Variants in SEMA3E observed in about 807,000 individuals in gnomAD.
SEMA3E encodes semaphorin-3E.
Under a neutral mutation model 93.6 loss-of-function variants are expected in SEMA3E, and 49 were observed. That is an observed-to-expected ratio of 0.52 (90% CI 0.42 to 0.66). The LOEUF (loss-of-function observed/expected upper bound fraction) is 0.66, where lower values mean the gene tolerates loss of function less well. SEMA3E is among the 30% of genes least tolerant of loss of function. The pLI is 0.00. For missense variants in SEMA3E, 906 were observed against 964.8 expected, an observed-to-expected ratio of 0.94 and a Z score of 0.81; for synonymous variants, 363 against 330.7, an observed-to-expected ratio of 1.10 and a Z score of -1.06.
intron 5 of SEMA3E, 90 bp from the exon 6 acceptor site, chr7:83,408,577 T>C: frequency 7.6e-7 from 1 of 1,312,628 alleles, no homozygotes; most frequent in South Asian, 1.3e-5. Flanking sequence ...GTATCTATAA[T>C]ATGTACTTTA....
chr7:83,448,207 A>T (rs1584255005), intron 4 of SEMA3E, among the ~76,000 whole-genome samples: 1 of 152,252 alleles, frequency 6.6e-6, no homozygotes, highest in Non-Finnish European at 1.5e-5. Flanking sequence ...TATCATGTCC[A>T]TGAATTAGCA....
At chr7:83,587,041 T>C (rs1346025979) in intron 1 of SEMA3E, among the ~76,000 whole-genome samples, 1 of 152,198 alleles carries the variant, frequency 6.6e-6, no homozygotes, top group East Asian at 1.9e-4. Flanking sequence ...TTAGTCACTA[T>C]GAAGTTCTTA....
At chr7:83,638,183 T>C (rs1327702783) in intron 1 of SEMA3E, among the ~76,000 whole-genome samples, 1 of 152,188 alleles carries the variant, frequency 6.6e-6, no homozygotes, top group African/African-American at 2.4e-5. Context: ...ATGTATATTG[T>C]GTGGAAACAA....
At chr7:83,625,334 T>C (rs1793648195) in intron 1 of SEMA3E, among the ~76,000 whole-genome samples, 1 of 152,216 alleles carries the variant, frequency 6.6e-6, no homozygotes, top group African/African-American at 2.4e-5. Context: ...ATTATCATGA[T>C]ATTGATTCCT....
intron 1 of SEMA3E, among the ~76,000 whole-genome samples, chr7:83,523,285 C>G (rs758550528): frequency 6.6e-6 from 1 of 151,972 alleles, no homozygotes; most frequent in Non-Finnish European, 1.5e-5. Context: ...AGTTTTTACT[C>G]GTGTTTGTCC....
intron 1 of SEMA3E, among the ~76,000 whole-genome samples, chr7:83,542,471 G>T (rs747317314): frequency 6.6e-6 from 1 of 151,966 alleles, no homozygotes; most frequent in Non-Finnish European, 1.5e-5. Flanking sequence ...TTTCATATTT[G>T]CAAAGTCTTA....
intron 1 of SEMA3E, among the ~76,000 whole-genome samples, chr7:83,512,264 A>C (rs1260465741): frequency 6.6e-6 from 1 of 152,208 alleles, no homozygotes; most frequent in Non-Finnish European, 1.5e-5. Context: ...TGCATAGAAG[A>C]AGCAAACACA....
chr7:83,547,514 C>T (rs2159598), intron 1 of SEMA3E, among the ~76,000 whole-genome samples: 2,683 of 152,200 alleles, frequency 0.018, 78 homozygotes, highest in African/African-American at 0.06. Flanking sequence ...TATTCTGCCA[C>T]ATTTCACAGC....
intron 4 of SEMA3E, among the ~76,000 whole-genome samples, chr7:83,448,184 T>C (rs771538130): frequency 6.6e-6 from 1 of 152,232 alleles, no homozygotes; most frequent in Non-Finnish European, 1.5e-5. Context: ...TAACTCTAGG[T>C]ACATCTGTTC....
At chr7:83,504,873 C>T (rs996424165) in intron 1 of SEMA3E, among the ~76,000 whole-genome samples, 1 of 152,056 alleles carries the variant, frequency 6.6e-6, no homozygotes, top group South Asian at 2.1e-4. Context: ...TTACCCTTCA[C>T]TCCACCAGTA....
At chr7:83,627,594 G>A (rs1353499924) in intron 1 of SEMA3E, among the ~76,000 whole-genome samples, 1 of 145,574 alleles carries the variant, frequency 6.9e-6, no homozygotes, top group African/African-American at 2.5e-5. Flanking sequence ...TGGTTTAAAG[G>A]CTGTTTTATC....
At chr7:83,418,302 G>T in intron 5 of SEMA3E, 88 bp downstream of exon 5, 3 of 938,864 alleles carry the variant, frequency 3.2e-6, no homozygotes, top group Non-Finnish European at 5.1e-6. Context: ...AGTATGTAAA[G>T]AAATGCTGAA....
intron 1 of SEMA3E, among the ~76,000 whole-genome samples, chr7:83,500,426 ACTCCGT>A (rs1790573316): frequency 6.6e-6 from 1 of 151,936 alleles, no homozygotes; most frequent in Non-Finnish European, 1.5e-5. Context: ...ACAGAGCGAG[ACTCCGT>A]CTCAAAAAAA....
At chr7:83,373,092 C>T (rs577732157) in intron 16 of SEMA3E, 8 of 151,590 alleles carry the variant, frequency 5.3e-5, no homozygotes, top group Non-Finnish European at 8.8e-5. Context: ...TTGCTGAAAA[C>T]GGTTTTATTA....
At chr7:83,538,923 T>C (rs62477040) in intron 1 of SEMA3E, among the ~76,000 whole-genome samples, 32,739 of 152,150 alleles carry the variant, frequency 0.22, 3,690 homozygotes, top group East Asian at 0.38. Flanking sequence ...CTCTCTCTTA[T>C]GTTGGAGACT....
At chr7:83,528,520 T>C (rs1277831178) in intron 1 of SEMA3E, among the ~76,000 whole-genome samples, 2 of 152,104 alleles carry the variant, frequency 1.3e-5, no homozygotes, top group African/African-American at 4.8e-5. Flanking sequence ...AGATAAGTAA[T>C]ATTGCCAAAA....
chr7:83,498,314 A>G (rs1790532042), intron 1 of SEMA3E, among the ~76,000 whole-genome samples: 1 of 152,194 alleles, frequency 6.6e-6, no homozygotes, highest in Non-Finnish European at 1.5e-5. Context: ...CATCAGCTGT[A>G]TATTGAACAT....
In SEMA3E at chr7:83,367,502, G is replaced by T. The variant is rs1794686446; in HGVS notation, c.*84C>A. 2.2e-6 allele frequency: 3 copies of T among 1,365,062 alleles called. No individual in the cohort carries two copies. The highest frequency in any genetic ancestry group is 1.2e-5 in the South Asian group (1 of 85,326). The allele number at this position is 1,365,062 out of a possible 1,614,324, so 84.6% of individuals were successfully genotyped here. On this transcript the variant is annotated 3_prime_UTR_variant, in exon 17 of 17. Transcript: ENST00000643230. ...ATTACAGAAATCTCTTTTAAGTAAT[G>T]CAAAGAAGTTGGATGATTTATTTTT...
intron 4 of SEMA3E, among the ~76,000 whole-genome samples, chr7:83,444,624 T>C (rs1280746308): frequency 6.6e-6 from 1 of 151,678 alleles, no homozygotes; most frequent in Non-Finnish European, 1.5e-5. Flanking sequence ...AAGAAAAGAA[T>C]TCCTGCAATC....
Sources: gnomAD v4.1 joint callset for allele counts (sites outside exome capture counted in the v4.1 genomes callset) on GRCh38, gnomAD v4.1.1 for gene constraint, MANE v1.5 for transcripts, NCBI Gene and HGNC (gene_info 2026-07-23, HGNC 2026-07-21) for gene names.